Variants in CORO1C observed in about 807,000 individuals in gnomAD.
CORO1C encodes coronin-1C.
CORO1C carries 14 observed loss-of-function variants against 51.2 expected under a neutral mutation model. The observed-to-expected ratio is 0.27, with a 90% confidence interval of 0.18 to 0.43. CORO1C has a LOEUF of 0.43. Among genes scored for constraint, CORO1C ranks in the 20% least tolerant of loss-of-function variants. CORO1C has a pLI of 1.00. For synonymous variants in CORO1C, 181 were observed against 210.5 expected, an observed-to-expected ratio of 0.86 and a Z score of 1.21; for missense variants, 417 against 607.8, an observed-to-expected ratio of 0.69 and a Z score of 3.30.
chr12:108,718,011 A>C (rs1020424179), intron 1 of CORO1C, among the ~76,000 whole-genome samples: 1 of 152,098 alleles, frequency 6.6e-6, no homozygotes. Context: ...TGAGGTAAGG[A>C]GTTCAAGACC....
chr12:108,659,018 C>CAGAG (rs374484534), intron 4 of CORO1C, 99 bp from the exon 5 acceptor site: 2 of 1,132,912 alleles, frequency 1.8e-6, no homozygotes, highest in Non-Finnish European at 1.2e-6. Context: ...TATGTATATG[C>CAGAG]AGAGAGAGAG....
intron 2 of CORO1C, chr12:108,696,369 G>A (rs900409977): frequency 2.7e-5 from 4 of 146,524 alleles, no homozygotes; most frequent in African/African-American, 7.4e-5. Context: ...CTTGTTTAAG[G>A]CAGGATTTAC....
At chr12:108,730,353 C>G (rs11114041) in intron 1 of CORO1C, 84,807 of 152,062 alleles carry the variant, frequency 0.56, 24,536 homozygotes, top group East Asian at 0.99. Flanking sequence ...AAAAAGGATG[C>G]CAGGGCCAGC....
intron 7 of CORO1C, among the ~76,000 whole-genome samples, chr12:108,653,255 T>C (rs944190982): frequency 5.3e-5 from 8 of 152,238 alleles, no homozygotes; most frequent in Non-Finnish European, 1.2e-4. Flanking sequence ...CATCTCATGT[T>C]ACTAATATCT....
chr12:108,660,502 A>G (rs370557330), intron 4 of CORO1C, among the ~76,000 whole-genome samples: 1 of 151,966 alleles, frequency 6.6e-6, no homozygotes, highest in Admixed American at 6.6e-5. Flanking sequence ...AAAAAACTAC[A>G]CAACAGTAAC....
chr12:108,651,370 G>A (rs77288681), intron 8 of CORO1C, among the ~76,000 whole-genome samples: 2,843 of 152,236 alleles, frequency 0.019, 78 homozygotes, highest in African/African-American at 0.065. Context: ...TGACTAGCAT[G>A]AGAAAAAAGC....
At chr12:108,703,261 A>G (rs748200500) in intron 1 of CORO1C, among the ~76,000 whole-genome samples, 26 of 152,224 alleles carry the variant, frequency 1.7e-4, no homozygotes, top group Non-Finnish European at 3.5e-4. Context: ...CAGAGTTAAC[A>G]TCCTTCATAA....
In CORO1C at chr12:108,691,027, T is replaced by C. The variant is rs116675127; in HGVS notation, c.195+10097A>G. On this transcript the variant is annotated intron_variant, in intron 2 of 10. Transcript: ENST00000261401. ...GCTCTGCATTGGTTTAATCCACAGG[T>C]CTCAGAATGAAAATCCACCCTCCTT... Among the ~76,000 whole-genome samples, 1,192 of 151,728 alleles carry C rather than the reference T, an allele frequency of 7.9e-3. 19 individuals are homozygous for C. Among genetic ancestry groups the C allele is most frequent in the African/African-American group, 0.027 (1,102 of 41,236 alleles).
intron 2 of CORO1C, among the ~76,000 whole-genome samples, chr12:108,691,976 G>A (rs1218315515): frequency 1.3e-5 from 2 of 152,174 alleles, no homozygotes; most frequent in Admixed American, 6.5e-5. Context: ...TTAACTGGGG[G>A]TGAGCAGGGT....
chr12:108,661,220 A>G (rs994338275), intron 4 of CORO1C, among the ~76,000 whole-genome samples: 2 of 152,362 alleles, frequency 1.3e-5, no homozygotes, highest in South Asian at 2.1e-4. Context: ...AAAGAAAATG[A>G]AATCTCCAAT....
intron 1 of CORO1C, among the ~76,000 whole-genome samples, chr12:108,714,364 C>G (rs1330957389): frequency 6.9e-6 from 1 of 144,894 alleles, no homozygotes; most frequent in Admixed American, 7.0e-5. Context: ...ACTCCTCCAG[C>G]CTGCAGCCTG....
chr12:108,712,570 C>CAAAA (rs138128974), intron 1 of CORO1C, among the ~76,000 whole-genome samples: 7 of 66,500 alleles, frequency 1.1e-4, no homozygotes, highest in Non-Finnish European at 1.9e-4. Context: ...GAAACTGTCT[C>CAAAA]AAAAAAAAAA....
chr12:108,668,754 T>C (rs1006537520), intron 3 of CORO1C, among the ~76,000 whole-genome samples: 24 of 152,220 alleles, frequency 1.6e-4, no homozygotes, highest in Admixed American at 5.2e-4. Flanking sequence ...AAATTAGCCA[T>C]TTTTTGCATT....
At chr12:108,707,796 A>T (rs532338981) in intron 1 of CORO1C, among the ~76,000 whole-genome samples, 5 of 152,232 alleles carry the variant, frequency 3.3e-5, no homozygotes, top group Admixed American at 6.5e-5. Flanking sequence ...ATAAAAACAT[A>T]GTCCAATTTA....
intron 1 of CORO1C, chr12:108,702,853 C>G: frequency 6.5e-7 from 1 of 1,535,768 alleles, no homozygotes; most frequent in Non-Finnish European, 8.7e-7. Context: ...TGTAGCCGGG[C>G]TGAAGTAAGA....
intron 1 of CORO1C, among the ~76,000 whole-genome samples, chr12:108,727,829 T>C (rs1275118689): frequency 1.3e-5 from 2 of 152,076 alleles, no homozygotes; most frequent in Non-Finnish European, 2.9e-5. Flanking sequence ...CAAGAAAATT[T>C]TTGCAAATCA....
At chr12:108,691,032 G>A (rs2034477280) in intron 2 of CORO1C, among the ~76,000 whole-genome samples, 2 of 151,106 alleles carry the variant, frequency 1.3e-5, no homozygotes, top group South Asian at 4.2e-4. Flanking sequence ...ACAGGTCTCA[G>A]AATGAAAATC....
Position 108,698,668 on chromosome 12 carries a change from A to G in CORO1C, c.195+2456T>C, listed in dbSNP as rs983979216. Among the ~76,000 whole-genome samples, 3 of 152,192 alleles carry G rather than the reference A, an allele frequency of 2.0e-5. No individual in the cohort carries two copies. The South Asian group carries it at 6.2e-4, about 32-fold the overall frequency. ...GTGATCCGCCCGCCTCAGCCTCCCA[A>G]AGTGCTGGGATTACAGGCATGGGCC... On this transcript the variant is annotated intron_variant, in intron 2 of 10. Coordinates refer to ENST00000261401, the MANE Select transcript of CORO1C (RefSeq NM_014325.4).
chr12:108,724,878 T>C (rs1048159668), intron 1 of CORO1C, among the ~76,000 whole-genome samples: 1 of 152,216 alleles, frequency 6.6e-6, no homozygotes, highest in Non-Finnish European at 1.5e-5. Context: ...TTGTTATTAA[T>C]GTAAGATCCA....
Sources: allele counts gnomAD v4.1 joint callset (sites outside exome capture counted in the v4.1 genomes callset), GRCh38; gene constraint gnomAD v4.1.1; transcripts MANE v1.5; gene names NCBI Gene and HGNC (gene_info 2026-07-23, HGNC 2026-07-21).